DRC11: variants seen among roughly 807,000 people sequenced by gnomAD.
DRC11 encodes IQ and AAA domain-containing protein 1.
chr2:236,357,510 A>ATTTACATATTG, the DRC11 span, among the ~76,000 whole-genome samples: 4 of 127,324 alleles, frequency 3.1e-5, no homozygotes, highest in Non-Finnish European at 6.2e-5. Context: ...TTTACATATT[A>ATTTACATATTG]TAAATATATT....
the DRC11 span, chr2:236,419,298 A>G: frequency 6.6e-7 from 1 of 1,516,734 alleles, no homozygotes; most frequent in South Asian, 1.3e-5. The surrounding 1 kb of genome is among the most constrained non-coding windows in gnomAD (Gnocchi z 4.8). Flanking sequence ...TAATCATACC[A>G]TTTTCATAGA....
At chr2:236,449,879 G>T in the DRC11 span, among the ~76,000 whole-genome samples, 1 of 152,224 alleles carries the variant, frequency 6.6e-6, no homozygotes, top group African/African-American at 2.4e-5. The surrounding 1 kb of genome is among the most constrained non-coding windows in gnomAD (Gnocchi z 5.1). Flanking sequence ...AAACCAGGCT[G>T]TGAAAAGACA....
chr2:236,343,069 C>T, the DRC11 span, among the ~76,000 whole-genome samples: 1 of 152,166 alleles, frequency 6.6e-6, no homozygotes, highest in African/African-American at 2.4e-5. The surrounding 1 kb of genome is among the most constrained non-coding windows in gnomAD (Gnocchi z 6.6). Flanking sequence ...GTCAGGAGCA[C>T]AAGGGCTGAT....
chr2:236,308,806 A>G, the DRC11 span, among the ~76,000 whole-genome samples: 1 of 152,250 alleles, frequency 6.6e-6, no homozygotes, highest in East Asian at 1.9e-4. This position sits in a 1 kb window ranked among gnomAD's most constrained non-coding sequence, Gnocchi z 6.0. Flanking sequence ...ATAGTGCTGC[A>G]GTGAACACAG....
At chr2:236,458,913 C>T in the DRC11 span, among the ~76,000 whole-genome samples, 38 of 152,074 alleles carry the variant, frequency 2.5e-4, no homozygotes, top group Middle Eastern at 3.4e-3. Flanking sequence ...GGCATGGTGG[C>T]GGGTGCCTGT....
the DRC11 span, among the ~76,000 whole-genome samples, chr2:236,487,755 T>A: frequency 6.6e-6 from 1 of 152,224 alleles, no homozygotes; most frequent in Non-Finnish European, 1.5e-5. Context: ...TTACCAATGG[T>A]CTTTAACAAT....
chr2:236,461,548 A>G, the DRC11 span, among the ~76,000 whole-genome samples: 7 of 152,338 alleles, frequency 4.6e-5, no homozygotes, highest in African/African-American at 1.7e-4. The surrounding 1 kb of genome is among the most constrained non-coding windows in gnomAD (Gnocchi z 4.0). Context: ...TGAAATTTAT[A>G]TACCAGTTTC....
At chr2:236,306,984 C>T in the DRC11 span, among the ~76,000 whole-genome samples, 3 of 152,154 alleles carry the variant, frequency 2.0e-5, no homozygotes, top group Non-Finnish European at 2.9e-5. The surrounding 1 kb of genome is among the most constrained non-coding windows in gnomAD (Gnocchi z 5.9). Context: ...ATTGCAGCCC[C>T]GTCCTATAAT....
the DRC11 span, among the ~76,000 whole-genome samples, chr2:236,311,697 CGTGTGTGTGTGT>C: frequency 6.1e-4 from 85 of 138,798 alleles, no homozygotes; most frequent in East Asian, 2.6e-3. The surrounding 1 kb of genome is among the most constrained non-coding windows in gnomAD (Gnocchi z 6.9). Flanking sequence ...GGATGGGGTG[CGTGTGTGTGTGT>C]GTGTGTGTGT....
chr2:236,345,946 G>A, the DRC11 span, among the ~76,000 whole-genome samples: 6 of 152,206 alleles, frequency 3.9e-5, no homozygotes, highest in Admixed American at 6.5e-5. Context: ...CATTATGTAC[G>A]AAGTGGCAAG....
At chr2:236,366,292 G>A in the DRC11 span, among the ~76,000 whole-genome samples, 1 of 152,204 alleles carries the variant, frequency 6.6e-6, no homozygotes, top group Non-Finnish European at 1.5e-5. Context: ...AAGCGGCCAG[G>A]AGATGTTCTC....
the DRC11 span, among the ~76,000 whole-genome samples, chr2:236,414,759 G>A: frequency 2.0e-5 from 3 of 152,118 alleles, no homozygotes; most frequent in Non-Finnish European, 4.4e-5. Flanking sequence ...AACTGCGAAC[G>A]TTCATATTTT....
At chr2:236,350,447 C>T in the DRC11 span, among the ~76,000 whole-genome samples, 15 of 152,212 alleles carry the variant, frequency 9.9e-5, no homozygotes, top group Non-Finnish European at 1.6e-4. The surrounding 1 kb of genome is among the most constrained non-coding windows in gnomAD (Gnocchi z 5.2). Flanking sequence ...ATGAGGATAA[C>T]GATACAACTG....
chr2:236,444,490 C>T, the DRC11 span, among the ~76,000 whole-genome samples: 1 of 152,134 alleles, frequency 6.6e-6, no homozygotes, highest in African/African-American at 2.4e-5. Flanking sequence ...TCTTGAAGGC[C>T]CCCAGGGGTC....
chr2:236,356,904 TTTATATA>T, the DRC11 span, among the ~76,000 whole-genome samples: 12 of 130,204 alleles, frequency 9.2e-5, no homozygotes, highest in African/African-American at 2.3e-4. Flanking sequence ...AATATGTATA[TTTATATA>T]TTATATATAT....
At chr2:236,423,061 T>G in the DRC11 span, among the ~76,000 whole-genome samples, 1 of 151,064 alleles carries the variant, frequency 6.6e-6, no homozygotes, top group Non-Finnish European at 1.5e-5. Flanking sequence ...CAAGATGGAT[T>G]AAAGACTTAA....
chr2:236,413,439 C>T, the DRC11 span, among the ~76,000 whole-genome samples: 10 of 152,202 alleles, frequency 6.6e-5, no homozygotes, highest in East Asian at 1.3e-3. This position sits in a 1 kb window ranked among gnomAD's most constrained non-coding sequence, Gnocchi z 4.0. Flanking sequence ...CACCCTCATT[C>T]CTGATAACTT....
At chr2:236,485,207 T>C in the DRC11 span, among the ~76,000 whole-genome samples, 9 of 152,210 alleles carry the variant, frequency 5.9e-5, no homozygotes, top group African/African-American at 2.2e-4. Flanking sequence ...CTGTGGTCAC[T>C]GTATACTGTG....
chr2:236,370,200 T>C, the DRC11 span, among the ~76,000 whole-genome samples: 1 of 152,010 alleles, frequency 6.6e-6, no homozygotes, highest in Non-Finnish European at 1.5e-5. This position sits in a 1 kb window ranked among gnomAD's most constrained non-coding sequence, Gnocchi z 5.5. Flanking sequence ...AGGGAGGTGA[T>C]GGTTTTACAC....
Sources: allele counts gnomAD v4.1 joint callset (sites outside exome capture counted in the v4.1 genomes callset), GRCh38; gene constraint gnomAD v4.1.1; non-coding constraint Gnocchi (gnomAD v3.1); transcripts MANE v1.5; gene names NCBI Gene and HGNC (gene_info 2026-07-23, HGNC 2026-07-21).